Variants in SLC2A13 observed in about 807,000 individuals in gnomAD.
SLC2A13 encodes proton myo-inositol cotransporter.
SLC2A13 carries 32 observed loss-of-function variants against 64.4 expected under a neutral mutation model. The ratio of observed to expected loss-of-function variants is 0.50; its 90% CI spans 0.37 to 0.67. The LOEUF is 0.67. SLC2A13 is among the 30% of genes least tolerant of loss of function. The probability of loss-of-function intolerance (pLI) is 0.00; values close to 1 mark genes in which losing one functional copy is unlikely to be tolerated. For missense variants in SLC2A13, 743 were observed against 829.2 expected (o/e 0.90, Z 1.28); for synonymous variants, 338 against 327.1 (o/e 1.03, Z -0.36).
intron 4 of SLC2A13, chr12:39,949,641 A>G (rs1038854204): frequency 6.6e-6 from 1 of 152,214 alleles, no homozygotes; most frequent in Non-Finnish European, 1.5e-5. Context: ...TGTTTGTGAT[A>G]CCAGTTTTAA....
chr12:39,789,843 T>A (rs1941319213), intron 7 of SLC2A13, among the ~76,000 whole-genome samples: 2 of 152,194 alleles, frequency 1.3e-5, no homozygotes, highest in African/African-American at 4.8e-5. Context: ...TATCTGCTTT[T>A]ATAGAGTGTC....
At chr12:40,076,761 C>T (rs538257298) in intron 1 of SLC2A13, among the ~76,000 whole-genome samples, 25 of 152,264 alleles carry the variant, frequency 1.6e-4, no homozygotes, top group African/African-American at 6.0e-4. Flanking sequence ...TTTACATTAC[C>T]ACCACCAGCA....
intron 1 of SLC2A13, among the ~76,000 whole-genome samples, chr12:40,070,454 C>T (rs1344188602): frequency 6.6e-6 from 1 of 152,104 alleles, no homozygotes; most frequent in Non-Finnish European, 1.5e-5. Context: ...AAACAGGGCA[C>T]TTCACTTCGC....
At chr12:39,968,681 G>A (rs1345087943) in intron 3 of SLC2A13, among the ~76,000 whole-genome samples, 1 of 149,708 alleles carries the variant, frequency 6.7e-6, no homozygotes, top group Non-Finnish European at 1.5e-5. Flanking sequence ...GAAAGAAGAG[G>A]TCTATACACA....
At chr12:39,906,875 G>C (rs1401486499) in intron 4 of SLC2A13, among the ~76,000 whole-genome samples, 4 of 151,900 alleles carry the variant, frequency 2.6e-5, no homozygotes, top group African/African-American at 4.8e-5. Flanking sequence ...CAATTATGAG[G>C]GAAGATAAAG....
At chr12:39,816,976 TC>T (rs1256804693) in intron 7 of SLC2A13, among the ~76,000 whole-genome samples, 3 of 152,176 alleles carry the variant, frequency 2.0e-5, no homozygotes, top group Non-Finnish European at 4.4e-5. Flanking sequence ...AAATGTGTTA[TC>T]CCATTGTGGG....
chr12:40,100,565 T>C (rs776071643), intron 1 of SLC2A13, among the ~76,000 whole-genome samples: 1 of 152,202 alleles, frequency 6.6e-6, no homozygotes, highest in African/African-American at 2.4e-5. Context: ...ACTCATATTC[T>C]TCAATCCTGT....
At chr12:40,022,194 A>C (rs1018421879) in intron 3 of SLC2A13, among the ~76,000 whole-genome samples, 1 of 152,212 alleles carries the variant, frequency 6.6e-6, no homozygotes, top group Non-Finnish European at 1.5e-5. Flanking sequence ...CAGGCTAGAG[A>C]TCAAACTCTT....
In SLC2A13 at chr12:39,803,889, G is replaced by A. The variant is rs77969261; in HGVS notation, c.1445+26214C>T. ...AATCTTCATATTTAGGAAGGACAAC[G>A]ATCCCTTCCCAAGATAAATAAAATT... On this transcript the variant is annotated intron_variant, in intron 7 of 9. Coordinates refer to ENST00000280871, the MANE Select transcript of SLC2A13 (RefSeq NM_052885.4). Among the ~76,000 whole-genome samples the A allele has an allele frequency of 3.4e-3, 520 of 152,030 alleles. 3 individuals carry two copies. Among genetic ancestry groups the A allele is most frequent in the African/African-American group, 0.012 (497 of 41,462 alleles).
chr12:39,797,304 T>A (rs1167849575), intron 7 of SLC2A13, among the ~76,000 whole-genome samples: 1 of 152,236 alleles, frequency 6.6e-6, no homozygotes, highest in Non-Finnish European at 1.5e-5. Flanking sequence ...TGAAAAATGC[T>A]AACATTTTCA....
chr12:39,829,970 TATGCTGCA>T, intron 7 of SLC2A13, 125 bp downstream of exon 7: 1 of 1,090,104 alleles, frequency 9.2e-7, no homozygotes, highest in East Asian at 2.6e-5. Context: ...ATCACCAGTA[TATGCTGCA>T]AAGTAATGTA....
chr12:39,896,262 G>GCATA, intron 4 of SLC2A13, among the ~76,000 whole-genome samples: 1 of 71,456 alleles, frequency 1.4e-5, no homozygotes, highest in Non-Finnish European at 3.1e-5. Context: ...GTATGTATAT[G>GCATA]TGTGTATATA....
chr12:40,044,752 G>A lies in SLC2A13; in HGVS notation c.716+3299C>T, dbSNP rs951388299. Among the ~76,000 whole-genome samples, 5 of 152,094 alleles carry A rather than the reference G, an allele frequency of 3.3e-5. No individual in the cohort carries two copies. In the South Asian group the frequency reaches 6.2e-4, roughly 19 times the overall value. ...AACTTTGACCCATCTGGCATAAAAG[G>A]TGAACTATAATGTTTCTACAACATC... On this transcript the variant is annotated intron_variant, in intron 2 of 9. Coordinates refer to ENST00000280871, the MANE Select transcript of SLC2A13 (RefSeq NM_052885.4).
chr12:39,961,077 C>CT lies in SLC2A13; in HGVS notation c.926-9713dup, dbSNP rs1014189208. Among the ~76,000 whole-genome samples the CT allele has an allele frequency of 3.8e-3, 512 of 133,756 alleles. 3 individuals carry two copies. The highest frequency in any genetic ancestry group is 0.011 in the African/African-American group (390 of 36,430). 87.7% of individuals were successfully genotyped at this position (133,756 alleles called of 152,430 possible). ...ATGATTTTAAAGAGAATGTTTTTTT[C>CT]TTTTTTTTTTTTTTACTTTGAGACG... On this transcript the variant is annotated intron_variant, in intron 3 of 9. Coordinates refer to ENST00000280871, the MANE Select transcript of SLC2A13 (RefSeq NM_052885.4).
intron 6 of SLC2A13, among the ~76,000 whole-genome samples, chr12:39,834,098 T>C (rs1942939516): frequency 6.6e-6 from 1 of 152,036 alleles, no homozygotes; most frequent in Admixed American, 6.6e-5. Context: ...CATAAAAATA[T>C]ATAGTTTTCC....
intron 1 of SLC2A13, among the ~76,000 whole-genome samples, chr12:40,080,838 T>C (rs1305813296): frequency 1.3e-5 from 2 of 152,232 alleles, no homozygotes; most frequent in African/African-American, 2.4e-5. Context: ...TGGCAGATAA[T>C]AGTATTTCAT....
intron 4 of SLC2A13, among the ~76,000 whole-genome samples, chr12:39,940,733 C>T (rs1348716080): frequency 6.6e-6 from 1 of 151,728 alleles, no homozygotes; most frequent in Non-Finnish European, 1.5e-5. Context: ...TTTTTCTATA[C>T]ATTATTGGGG....
At chr12:40,008,026 A>G (rs1483632914) in intron 3 of SLC2A13, among the ~76,000 whole-genome samples, 1 of 152,218 alleles carries the variant, frequency 6.6e-6, no homozygotes, top group Non-Finnish European at 1.5e-5. Flanking sequence ...AACAGCATCA[A>G]AAGATTCAAC....
intron 7 of SLC2A13, among the ~76,000 whole-genome samples, chr12:39,767,021 A>G (rs1279313514): frequency 6.6e-6 from 1 of 152,102 alleles, no homozygotes; most frequent in Non-Finnish European, 1.5e-5. Flanking sequence ...TGAATCACGA[A>G]TGTTTTTAAT....
Sources: allele counts gnomAD v4.1 joint callset (sites outside exome capture counted in the v4.1 genomes callset), GRCh38; gene constraint gnomAD v4.1.1; transcripts MANE v1.5; gene names NCBI Gene and HGNC (gene_info 2026-07-23, HGNC 2026-07-21).